The following MED14 variants were observed in gnomAD, a reference collection of about 807,000 sequenced individuals.
MED14 encodes the protein mediator of RNA polymerase II transcription subunit 14.
Under a neutral mutation model 109.0 loss-of-function variants are expected in MED14, and 8 were observed. The observed-to-expected ratio is 0.07, with a 90% CI of 0.04 to 0.13. The LOEUF (loss-of-function observed/expected upper bound fraction) is 0.13, where lower values mean the gene tolerates loss of function less well. MED14 is among the 10% of genes least tolerant of loss of function. MED14 has a pLI of 1.00. For synonymous variants in MED14, 399 were observed against 408.7 expected (o/e 0.98, Z 0.29); for missense variants, 711 against 1,142.4 (o/e 0.62, Z 5.44).
At chrX:40,710,471 A>G (rs934650834) in intron 8 of MED14, among the ~76,000 whole-genome samples, 2 of 111,896 alleles carry the variant, frequency 1.8e-5, no homozygotes, top group Non-Finnish European at 3.8e-5. Flanking sequence ...CGGGGTGGGG[A>G]GAAAAACAGG....
chrX:40,727,072 T>A (rs555786424), intron 2 of MED14, among the ~76,000 whole-genome samples: 1 of 112,224 alleles, frequency 8.9e-6, no homozygotes, highest in South Asian at 3.6e-4. Context: ...CAATAGAATG[T>A]TTTAGCAATA....
chrX:40,667,385 T>C (rs1303861685), intron 23 of MED14, among the ~76,000 whole-genome samples: 1 of 111,449 alleles, frequency 9.0e-6, no homozygotes, highest in East Asian at 2.8e-4. Context: ...GTGAAGAAAG[T>C]GAAGGATAAG....
In MED14 at chrX:40,672,116, AAAAT is replaced by A. The variant is rs778871538; in HGVS notation, c.3022-148_3022-145del. The A allele has an allele frequency of 4.5e-5, 16 of 355,515 alleles. No homozygotes were observed. The East Asian group carries it at 6.4e-4, about 14-fold the overall frequency. 29.3% of individuals were successfully genotyped at this position (355,515 alleles called of 1,213,427 possible). A position where few individuals can be genotyped will look rare whatever the true frequency, so the allele number is the denominator to read the frequency against. Reference sequence around the variant, plus strand: ...GGAAACATGAGATATAAAAGTGTGCAAAATAAATACACATCACCAGCACAAGTCT... The same window carrying A: ...GGAAACATGAGATATAAAAGTGTGCAAAATACACATCACCAGCACAAGTCT... On this transcript the variant is annotated intron_variant, in intron 22 of 30. Transcript: ENST00000324817.
At chrX:40,724,696 T>A (rs1931838712) in intron 3 of MED14, among the ~76,000 whole-genome samples, 1 of 111,674 alleles carries the variant, frequency 9.0e-6, no homozygotes, top group African/African-American at 3.2e-5. Flanking sequence ...TTTATAGTTA[T>A]AAGTGCCTAC....
intron 23 of MED14, among the ~76,000 whole-genome samples, 198 bp downstream of exon 23, chrX:40,671,663 T>C (rs994572099): frequency 1.8e-5 from 2 of 111,976 alleles, no homozygotes; most frequent in African/African-American, 6.5e-5. Flanking sequence ...AATTTAAACC[T>C]TTTAAAGTGC....
At chrX:40,698,215 A>G (rs1047998779) in intron 12 of MED14, among the ~76,000 whole-genome samples, 1 of 112,429 alleles carries the variant, frequency 8.9e-6, no homozygotes, top group African/African-American at 3.2e-5. Flanking sequence ...TCTAGTATGT[A>G]TGTTATTAAA....
At chrX:40,657,144 C>G (rs934857539) in intron 28 of MED14, among the ~76,000 whole-genome samples, 6 of 111,584 alleles carry the variant, frequency 5.4e-5, no homozygotes, top group African/African-American at 1.6e-4. Context: ...CTGCCTTGGC[C>G]TCCTAAAGTG....
intron 8 of MED14, among the ~76,000 whole-genome samples, chrX:40,710,956 G>A (rs953746939): frequency 3.6e-5 from 4 of 111,535 alleles, no homozygotes; most frequent in East Asian, 5.6e-4. Context: ...TCAGTCCTGC[G>A]GTCAGCCAGC....
chrX:40,690,392 T>C (rs193041649), intron 15 of MED14, among the ~76,000 whole-genome samples: 4 of 111,659 alleles, frequency 3.6e-5, no homozygotes, highest in African/African-American at 9.8e-5. Flanking sequence ...CAACAGCTCA[T>C]GAGCCAAATC....
intron 23 of MED14, among the ~76,000 whole-genome samples, chrX:40,669,023 T>G (rs913552294): frequency 8.9e-6 from 1 of 111,799 alleles, no homozygotes; most frequent in Non-Finnish European, 1.9e-5. Context: ...GTTGATCAAC[T>G]TGACTAACCT....
chrX:40,726,243 T>C (rs942273882), intron 3 of MED14, among the ~76,000 whole-genome samples: 8 of 110,910 alleles, frequency 7.2e-5, no homozygotes, highest in South Asian at 7.7e-4. Flanking sequence ...CTGTGCCCTA[T>C]ACCCTGTGCT....
chrX:40,681,459 T>C (rs971832912), intron 19 of MED14, among the ~76,000 whole-genome samples: 1 of 111,693 alleles, frequency 9.0e-6, no homozygotes, highest in Non-Finnish European at 1.9e-5. Flanking sequence ...CAAGATTAAG[T>C]TAAGATGAAA....
At chrX:40,705,318 T>C (rs1400373151) in intron 10 of MED14, among the ~76,000 whole-genome samples, 2 of 111,866 alleles carry the variant, frequency 1.8e-5, no homozygotes, top group Non-Finnish European at 3.8e-5. Context: ...GGCAACAGAG[T>C]AAAACTAGTT....
chrX:40,650,549 G>A lies in MED14; in HGVS notation c.*1257C>T. ...ACCATGAAGTCGGTAGAAGACCTTT[G>A]CATCAGACCATGTTCTTTGAAGCTT... On this transcript the variant is annotated 3_prime_UTR_variant, in exon 31 of 31. Transcript: ENST00000324817. 1.3e-6 allele frequency: 1 copy of A among 753,926 alleles called. No homozygotes were observed. The highest frequency in any genetic ancestry group is 1.6e-6 in the Non-Finnish European group (1 of 639,288). 62.1% of individuals were successfully genotyped at this position (753,926 alleles called of 1,213,427 possible).
intron 2 of MED14, among the ~76,000 whole-genome samples, chrX:40,728,979 G>C (rs921613128): frequency 2.7e-5 from 3 of 111,341 alleles, no homozygotes; most frequent in African/African-American, 9.8e-5. Context: ...CACTATGCCC[G>C]TGGCAGTCAA....
chrX:40,651,607 ACAC>A lies in MED14; in HGVS notation c.*196_*198del, dbSNP rs752509668. 1 of 975,583 alleles carries A rather than the reference ACAC, an allele frequency of 1.0e-6. No homozygotes were observed. The highest frequency in any genetic ancestry group is 4.1e-5 in the East Asian group (1 of 24,285). 80.4% of individuals were successfully genotyped at this position (975,583 alleles called of 1,213,427 possible). A position where few individuals can be genotyped will look rare whatever the true frequency, so the allele number is the denominator to read the frequency against. ...CCTTTGAAATGTGTCCCATTTAAAC[ACAC>A]TATACAAGTTCATTATACAAAAGAT... On this transcript the variant is annotated 3_prime_UTR_variant, in exon 31 of 31. Coordinates refer to ENST00000324817, the MANE Select transcript of MED14 (RefSeq NM_004229.4).
At chrX:40,657,664 G>A (rs185853803) in intron 28 of MED14, among the ~76,000 whole-genome samples, 230 of 112,036 alleles carry the variant, frequency 2.1e-3, no homozygotes, top group African/African-American at 7.1e-3. Context: ...TGCAGACTGA[G>A]CTATGCAGAA....
chrX:40,712,534 A>AAT (rs750127563), intron 6 of MED14, among the ~76,000 whole-genome samples: 42 of 111,093 alleles, frequency 3.8e-4, no homozygotes, highest in Non-Finnish European at 7.4e-4. Context: ...ATTTTGCAGG[A>AAT]ATATATATAT....
chrX:40,664,470 G>C lies in MED14; in HGVS notation c.3285C>G (p.Ser1095=). The stretch of plus-strand genomic sequence containing the variant: ...CACTTGGTGACACCATAGTGTATGG[G>C]GAACTAGGGTCAAGAGTTCCTATAA... ...ASPHGTLDPS[S]PYTMVSPSGR... is the part of the protein sequence containing the mutation. Residue 1095 remains serine (S), a synonymous_variant, in exon 25 of 31, where the codon TCC becomes TCG. Transcript: ENST00000324817. 2 of 1,100,043 alleles carry C rather than the reference G, an allele frequency of 1.8e-6. No individual in the cohort carries two copies. Among genetic ancestry groups the C allele is most frequent in the Non-Finnish European group, 2.4e-6 (2 of 839,247 alleles). 90.7% of individuals were successfully genotyped at this position (1,100,043 alleles called of 1,213,427 possible).
Sources: allele counts gnomAD v4.1 joint callset (sites outside exome capture counted in the v4.1 genomes callset), GRCh38; gene constraint gnomAD v4.1.1; transcripts MANE v1.5; gene names NCBI Gene and HGNC (gene_info 2026-07-23, HGNC 2026-07-21).